The following PGLYRP2 variants were observed in gnomAD, a reference collection of about 807,000 sequenced individuals.
PGLYRP2 encodes the protein peptidoglycan recognition protein 2, also known as N-acetylmuramoyl-L-alanine amidase.
Under a neutral mutation model 46.2 loss-of-function variants are expected in PGLYRP2, and 38 were observed. The ratio of observed to expected loss-of-function variants is 0.82; its 90% CI spans 0.64 to 1.08. The LOEUF is 1.08. Ranked by LOEUF, PGLYRP2 falls within the 50% of genes least tolerant of loss-of-function variation. PGLYRP2 has a pLI of 0.00. For missense variants in PGLYRP2, 713 were observed against 755.9 expected (o/e 0.94, Z 0.67); for synonymous variants, 289 against 329.4 (o/e 0.88, Z 1.33).
intron 2 of PGLYRP2, among the ~76,000 whole-genome samples, chr19:15,474,460 C>A (rs542096722): frequency 6.6e-6 from 1 of 152,098 alleles, no homozygotes; most frequent in Non-Finnish European, 1.5e-5. Context: ...TAAAAAGATA[C>A]CTGCATTCAC....
In PGLYRP2 at chr19:15,472,995, T is replaced by G. The variant is rs1970763710; in HGVS notation, c.1133-895A>C. ...AAAATAGACACATAGACCAATGGAATGAAATAGAGAACCCAGAAGTAAAGC... is the reference window on the plus strand; with the variant it reads ...AAAATAGACACATAGACCAATGGAAGGAAATAGAGAACCCAGAAGTAAAGC... On this transcript the variant is annotated intron_variant, in intron 2 of 4. Transcript: ENST00000340880. Among the ~76,000 whole-genome samples, 3 of 151,986 alleles carry G rather than the reference T, an allele frequency of 2.0e-5. No individual in the cohort carries two copies. In the South Asian group the frequency reaches 6.2e-4, roughly 32 times the overall value.
intron 1 of PGLYRP2, among the ~76,000 whole-genome samples, chr19:15,478,298 G>A (rs927296302): frequency 6.6e-6 from 1 of 152,130 alleles, no homozygotes; most frequent in Non-Finnish European, 1.5e-5. Flanking sequence ...AGTGAGCTGA[G>A]ATCATGCTGC....
chr19:15,471,910 G>A lies in PGLYRP2; in HGVS notation c.1323C>T (p.Gly441=). The A allele has an allele frequency of 6.2e-7, 1 of 1,612,808 alleles. No individual in the cohort carries two copies. Among genetic ancestry groups the A allele is most frequent in the African/African-American group, 1.3e-5 (1 of 75,012 alleles). The change falls in exon 3 of 5, where the codon GGC becomes GGT. Residue 441 remains glycine (G), a synonymous_variant. Transcript: ENST00000340880. ...SMQRYHQDTQ[G]WGDIGYSFVV... ...CCTACCTGTAGCCGATGTCTCCCCA[G>A]CCTTGCGTGTCCTGGTGGTAGCGCT...
chr19:15,471,853 G>A (rs756656529), intron 3 of PGLYRP2, 37 bp downstream of exon 3: 9 of 1,597,400 alleles, frequency 5.6e-6, no homozygotes, highest in Middle Eastern at 1.7e-4. Context: ...ATCCCCGAAC[G>A]TGGGCCCCGC....
rs147572500 is a variant in PGLYRP2, at chr19:15,471,916, C to T, written c.1317G>A (p.Thr439=). The change falls in exon 3 of 5, where the codon ACG becomes ACA. Residue 439 remains threonine, a synonymous_variant. Transcript: ENST00000340880. Reference sequence around the variant, plus strand: ...TGTAGCCGATGTCTCCCCAGCCTTGCGTGTCCTGGTGGTAGCGCTGCATGG... The same window carrying T: ...TGTAGCCGATGTCTCCCCAGCCTTGTGTGTCCTGGTGGTAGCGCTGCATGG... ...MRSMQRYHQD[T]QGWGDIGYSF... 87 of 1,613,920 alleles carry T rather than the reference C, an allele frequency of 5.4e-5. No homozygotes were observed. Among genetic ancestry groups the T allele is most frequent in the Non-Finnish European group, 7.1e-5 (84 of 1,179,958 alleles).
rs374467861 is a variant in PGLYRP2, at chr19:15,476,035, G to A, written c.635C>T (p.Pro212Leu). 1.2e-5 allele frequency: 19 copies of A among 1,614,046 alleles called. No homozygotes were observed. Among genetic ancestry groups the A allele is most frequent in the East Asian group, 2.2e-5 (1 of 44,886 alleles). Reference protein sequence around the residue: ...SLPDAKAKSPPTMVDSLLAVT... With the variant: ...SLPDAKAKSPLTMVDSLLAVT... ...TGCCAGGAGGCTGTCCACCATGGTC[G>A]GTGGGGACTTGGCTTTGGCATCTGG... Residue 212 changes from proline to leucine, a missense_variant, in exon 2 of 5, where the codon CCG becomes CTG. Coordinates refer to ENST00000340880, the MANE Select transcript of PGLYRP2 (RefSeq NM_052890.4).
At chr19:15,470,421 G>A (rs571394474) in intron 3 of PGLYRP2, among the ~76,000 whole-genome samples, 21 of 145,190 alleles carry the variant, frequency 1.4e-4, no homozygotes, top group African/African-American at 5.3e-4. Flanking sequence ...CTCAGCCTCC[G>A]GAGTAGCTGG....
rs1237394431 is a variant in PGLYRP2 at position 15,468,656 on chromosome 19, G to A, written c.*7C>T. 6.2e-7 allele frequency: 1 copy of A among 1,606,854 alleles called. No homozygotes were observed. Among genetic ancestry groups the A allele is most frequent in the Non-Finnish European group, 8.5e-7 (1 of 1,176,762 alleles). ...GCATGAACAGAGACTTTGTTTCCAT[G>A]CTGTCTTTATTGGAGGTCTGTGGCT... On this transcript the variant is annotated 3_prime_UTR_variant, in exon 5 of 5. Transcript: ENST00000340880.
At chr19:15,477,506 G>A (rs112533770) in intron 1 of PGLYRP2, among the ~76,000 whole-genome samples, 2,867 of 151,084 alleles carry the variant, frequency 0.019, 54 homozygotes, top group African/African-American at 0.044. Context: ...AGGACCAGCC[G>A]GATCAACATG....
intron 2 of PGLYRP2, 72 bp from the exon 3 acceptor site, chr19:15,472,172 G>T: frequency 3.9e-6 from 5 of 1,283,912 alleles, no homozygotes; most frequent in Non-Finnish European, 5.4e-6. Context: ...GCATTAAAGC[G>T]CACATACAGA....
At chr19:15,471,780 C>CT (rs1031995163) in intron 3 of PGLYRP2, 110 bp downstream of exon 3, 2 of 1,288,710 alleles carry the variant, frequency 1.6e-6, no homozygotes, top group African/African-American at 3.0e-5. Context: ...CCTCCTTGGT[C>CT]TTGCCAGCTT....
intron 3 of PGLYRP2, among the ~76,000 whole-genome samples, chr19:15,470,303 TC>T (rs1425873272): frequency 0.041 from 5,722 of 138,534 alleles, 165 homozygotes; most frequent in Non-Finnish European, 0.048. Flanking sequence ...CTTCTTTCTT[TC>T]TTTCTTTTTT....
At chr19:15,472,235 TG>T (rs1568340974) in intron 2 of PGLYRP2, 135 bp from the exon 3 acceptor site, 8 of 679,592 alleles carry the variant, frequency 1.2e-5, no homozygotes, top group Non-Finnish European at 1.5e-5. Flanking sequence ...CACCCCACAT[TG>T]GTCCTCCCTG....
chr19:15,476,653 A>T (rs1397350508), intron 1 of PGLYRP2, 45 bp from the exon 2 acceptor site: 2 of 1,463,298 alleles, frequency 1.4e-6, no homozygotes, highest in South Asian at 2.7e-5. Flanking sequence ...CCCATTCCTG[A>T]GCCTCCTTGT....
intron 3 of PGLYRP2, 37 bp downstream of exon 3, chr19:15,471,853 G>C: frequency 1.3e-6 from 2 of 1,597,520 alleles, no homozygotes; most frequent in East Asian, 2.2e-5. Context: ...ATCCCCGAAC[G>C]TGGGCCCCGC....
chr19:15,475,506 G>A lies in PGLYRP2; in HGVS notation c.1132+32C>T, dbSNP rs896382611. ...GTGGGGGCGTCTGTGTCTGTAATGG[G>A]AAGGATCACAGGGTGTGGGGAACTT... On this transcript the variant is annotated intron_variant, in intron 2 of 4. Transcript: ENST00000340880. 2.6e-6 allele frequency: 4 copies of A among 1,540,370 alleles called. No homozygotes were observed. The Admixed American group carries it at 7.6e-5, about 29-fold the overall frequency.
chr19:15,475,875 T>C lies in PGLYRP2; in HGVS notation c.795A>G (p.Ala265=). 1 of 1,614,062 alleles carries C rather than the reference T, an allele frequency of 6.2e-7. No homozygotes were observed. Among genetic ancestry groups the C allele is most frequent in the Non-Finnish European group, 8.5e-7 (1 of 1,180,000 alleles). Residue 265 remains alanine, a synonymous_variant, in exon 2 of 5, where the codon GCA becomes GCG. Coordinates refer to ENST00000340880, the MANE Select transcript of PGLYRP2 (RefSeq NM_052890.4). ...PRTFTLLDPK[A]SLLTMAFLNG... ...TGAGGAAGGCCATGGTTAACAGAGA[T>C]GCCTTGGGGTCCAAAAGCGTAAAGG...
At chr19:15,470,082 C>G (rs1426437126) in intron 3 of PGLYRP2, among the ~76,000 whole-genome samples, 153 bp from the exon 4 acceptor site, 3 of 151,974 alleles carry the variant, frequency 2.0e-5, no homozygotes, top group African/African-American at 7.3e-5. Flanking sequence ...CTCTGTTCCA[C>G]TCTCACACCA....
At chr19:15,471,812 C>T in intron 3 of PGLYRP2, 78 bp downstream of exon 3, 1 of 1,481,502 alleles carries the variant, frequency 6.7e-7, no homozygotes, top group East Asian at 2.4e-5. Flanking sequence ...AAGCCCGGTC[C>T]CCTGCATCAG....
Sources: gnomAD v4.1 joint callset for allele counts (sites outside exome capture counted in the v4.1 genomes callset) on GRCh38, gnomAD v4.1.1 for gene constraint, MANE v1.5 for transcripts, NCBI Gene and HGNC (gene_info 2026-07-23, HGNC 2026-07-21) for gene names.